Variants in SGF29 observed in about 807,000 individuals in gnomAD.
SGF29 encodes SAGA-associated factor 29.
A neutral mutation model predicts 38.1 loss-of-function variants in SGF29; 15 were observed. The ratio of observed to expected loss-of-function variants is 0.39; its 90% confidence interval spans 0.26 to 0.61. The LOEUF is 0.61. Ranked by LOEUF, SGF29 falls within the 20% of genes least tolerant of loss-of-function variation. SGF29 has a pLI of 0.49. For synonymous variants in SGF29, 151 were observed against 160.8 expected (o/e 0.94, Z 0.46); for missense variants, 184 against 394.6 (o/e 0.47, Z 4.52).
At chr16:28,586,870 CAG>C (rs1426118764) in intron 4 of SGF29, among the ~76,000 whole-genome samples, 3 of 152,266 alleles carry the variant, frequency 2.0e-5, no homozygotes, top group Non-Finnish European at 4.4e-5. Flanking sequence ...TCGATTAAGA[CAG>C]GGTCTCAGTC....
intron 1 of SGF29, among the ~76,000 whole-genome samples, chr16:28,563,647 T>A (rs1056760684): frequency 6.6e-4 from 100 of 152,214 alleles, no homozygotes; most frequent in African/African-American, 2.4e-3. Flanking sequence ...ATAATCTGAA[T>A]TTTTTTACTA....
chr16:28,579,856 G>C (rs2046915483), intron 1 of SGF29, among the ~76,000 whole-genome samples: 1 of 151,926 alleles, frequency 6.6e-6, no homozygotes, highest in Non-Finnish European at 1.5e-5. Context: ...GCTTGAACCT[G>C]GGAGGCAGAG....
In SGF29 at chr16:28,591,625, C is replaced by A; in HGVS notation, c.801C>A (p.Thr267=). The change falls in exon 10 of 10, where the codon ACC becomes ACA. Residue 267 remains threonine, a synonymous_variant. Transcript: ENST00000317058. ...ACTACTCGGTCCTGTTTGAAGACACCTCCTATGCAGATGGCTATTCCCCTC... is the reference window on the plus strand; with the variant it reads ...ACTACTCGGTCCTGTTTGAAGACACATCCTATGCAGATGGCTATTCCCCTC... The part of the protein sequence containing the change: ...QDDYSVLFED[T]SYADGYSPPL... 6.2e-7 allele frequency: 1 copy of A among 1,614,100 alleles called. No individual in the cohort carries two copies. Among genetic ancestry groups the A allele is most frequent in the Non-Finnish European group, 8.5e-7 (1 of 1,179,972 alleles).
chr16:28,558,369 C>T (rs1322128201), intron 1 of SGF29, among the ~76,000 whole-genome samples: 1 of 151,906 alleles, frequency 6.6e-6, no homozygotes, highest in African/African-American at 2.4e-5. Flanking sequence ...CCGCCTTGGC[C>T]TTCCAAAGTG....
At chr16:28,576,728 A>C (rs12445823) in intron 1 of SGF29, among the ~76,000 whole-genome samples, 47,729 of 152,088 alleles carry the variant, frequency 0.31, 8,274 homozygotes, top group Non-Finnish European at 0.37. Context: ...AAACGTGCCC[A>C]CACAAAAACC....
intron 1 of SGF29, 29 bp downstream of exon 1, chr16:28,554,126 C>T (rs1297940334): frequency 6.6e-6 from 1 of 152,326 alleles, no homozygotes; most frequent in African/African-American, 2.4e-5. Flanking sequence ...TGGCCTGAGA[C>T]CTCCGGCGAA....
intron 1 of SGF29, among the ~76,000 whole-genome samples, chr16:28,572,967 C>G (rs539679846): frequency 6.6e-6 from 1 of 152,098 alleles, no homozygotes; most frequent in Non-Finnish European, 1.5e-5. Context: ...CGCTGGCCTC[C>G]CAGCTGTACT....
At position 28,590,534 on chromosome 16, in the gene SGF29, T is replaced by A; in HGVS notation, c.566+92T>A. 1 of 1,612,416 alleles carries A rather than the reference T, an allele frequency of 6.2e-7. No homozygotes were observed. Among genetic ancestry groups the A allele is most frequent in the South Asian group, 1.1e-5 (1 of 91,014 alleles). ...TCTGCAGAGGGTGCTCCCCAGAGGCTGGTTGTGCAGGGAGCACCAGGTCCT... is the reference window on the plus strand; with the variant it reads ...TCTGCAGAGGGTGCTCCCCAGAGGCAGGTTGTGCAGGGAGCACCAGGTCCT... On this transcript the variant is annotated intron_variant, in intron 7 of 9. Transcript: ENST00000317058. This position sits in a 1 kb window ranked among gnomAD's most constrained non-coding sequence, Gnocchi z 8.2.
intron 1 of SGF29, among the ~76,000 whole-genome samples, chr16:28,563,999 G>A (rs1228125): frequency 1.3e-5 from 2 of 151,988 alleles, no homozygotes; most frequent in Non-Finnish European, 2.9e-5. Context: ...TGCCCGCCTC[G>A]GCCTCCCAAA....
intron 1 of SGF29, among the ~76,000 whole-genome samples, chr16:28,569,638 C>T (rs979302678): frequency 2.0e-5 from 3 of 151,680 alleles, no homozygotes; most frequent in African/African-American, 7.3e-5. Flanking sequence ...GGTGACAGAG[C>T]GAGAGCCTGT....
intron 1 of SGF29, among the ~76,000 whole-genome samples, chr16:28,561,562 G>A (rs1165895639): frequency 6.6e-6 from 1 of 151,968 alleles, no homozygotes; most frequent in Non-Finnish European, 1.5e-5. Flanking sequence ...AACACAAAAG[G>A]TGCAGGGGAA....
chr16:28,578,084 C>T (rs2046905597), intron 1 of SGF29, among the ~76,000 whole-genome samples: 1 of 151,670 alleles, frequency 6.6e-6, no homozygotes, highest in East Asian at 1.9e-4. Context: ...GGACCCCTGG[C>T]TGCAAGTGAT....
At chr16:28,577,136 C>T (rs546370917) in intron 1 of SGF29, among the ~76,000 whole-genome samples, 2 of 151,960 alleles carry the variant, frequency 1.3e-5, no homozygotes, top group South Asian at 2.1e-4. Flanking sequence ...CCATTGCACT[C>T]CAGCCTCGGT....
chr16:28,564,685 G>GTATATATGTATATATATATACATATATA (rs1434333961), intron 1 of SGF29, among the ~76,000 whole-genome samples: 1 of 71,188 alleles, frequency 1.4e-5, no homozygotes, highest in Non-Finnish European at 2.7e-5. Flanking sequence ...GTATATATAT[G>GTATATATGTATATATATATACATATATA]TGTATATATA....
chr16:28,590,848 C>G lies in SGF29; in HGVS notation c.678C>G (p.Ala226=). ...CCAACCCGGAGACGGACCCTGAGGC[C>G]TTGTTCCAGAAGGAGCAGCTCGTGC... ...WKANPETDPE[A]LFQKEQLVLA... Residue 226 remains alanine, a synonymous_variant, in exon 9 of 10, where the codon GCC becomes GCG. Coordinates refer to ENST00000317058, the MANE Select transcript of SGF29 (RefSeq NM_138414.3). The surrounding 1 kb of genome is among the most constrained non-coding windows in gnomAD (Gnocchi z 8.2). 1.2e-6 allele frequency: 2 copies of G among 1,614,056 alleles called. No homozygotes were observed. The highest frequency in any genetic ancestry group is 1.7e-6 in the Non-Finnish European group (2 of 1,179,968).
intron 4 of SGF29, among the ~76,000 whole-genome samples, chr16:28,588,089 C>T (rs1317204192): frequency 6.6e-6 from 1 of 152,112 alleles, no homozygotes; most frequent in Non-Finnish European, 1.5e-5. Flanking sequence ...CGTGAGCCAC[C>T]ACACCCATCC....
At chr16:28,560,683 C>A (rs923835357) in intron 1 of SGF29, among the ~76,000 whole-genome samples, 1 of 151,754 alleles carries the variant, frequency 6.6e-6, no homozygotes, top group African/African-American at 2.4e-5. Context: ...ATGAACGGGC[C>A]CGGCGCAGTG....
chr16:28,576,427 G>T (rs762599448), intron 1 of SGF29, among the ~76,000 whole-genome samples: 1 of 151,940 alleles, frequency 6.6e-6, no homozygotes, highest in Non-Finnish European at 1.5e-5. Context: ...AGGGCCGGGC[G>T]CAGTGGCTCA....
intron 4 of SGF29, among the ~76,000 whole-genome samples, chr16:28,588,110 A>G (rs781286440): frequency 2.6e-5 from 4 of 152,058 alleles, no homozygotes; most frequent in Non-Finnish European, 5.9e-5. Flanking sequence ...CTGCTGTGGA[A>G]ATACTCTTTG....
Sources: allele counts gnomAD v4.1 joint callset (sites outside exome capture counted in the v4.1 genomes callset), GRCh38; gene constraint gnomAD v4.1.1; non-coding constraint Gnocchi (gnomAD v3.1); transcripts MANE v1.5; gene names NCBI Gene and HGNC (gene_info 2026-07-23, HGNC 2026-07-21).